The following CCDC178 variants were observed in gnomAD, a reference collection of about 807,000 sequenced individuals.
CCDC178 encodes the protein coiled-coil domain containing 178.
A neutral mutation model predicts 117.4 loss-of-function variants in CCDC178; 126 were observed. That is an observed-to-expected ratio of 1.07 (90% confidence interval 0.93 to 1.24). CCDC178 has a LOEUF of 1.24. Ranked by LOEUF, CCDC178 falls within the 50% of genes most tolerant of loss-of-function variation. The pLI is 0.00. For missense variants in CCDC178, 1,030 were observed against 986.9 expected, an observed-to-expected ratio of 1.04 and a Z score of -0.59; for synonymous variants, 283 against 313.4, an observed-to-expected ratio of 0.90 and a Z score of 1.02.
chr18:33,232,169 C>A (rs933018448), intron 15 of CCDC178, among the ~76,000 whole-genome samples: 1 of 152,158 alleles, frequency 6.6e-6, no homozygotes, highest in East Asian at 1.9e-4. Context: ...GCACATTCAA[C>A]AGTCACCTTT....
intron 2 of CCDC178, among the ~76,000 whole-genome samples, chr18:33,438,366 C>A (rs2064321694): frequency 6.6e-6 from 1 of 152,144 alleles, no homozygotes; most frequent in Non-Finnish European, 1.5e-5. Context: ...AGTCTCTGTC[C>A]AATGCAAGTA....
At chr18:33,360,047 A>C (rs2144725034) in intron 6 of CCDC178, among the ~76,000 whole-genome samples, 1 of 151,474 alleles carries the variant, frequency 6.6e-6, no homozygotes, top group Admixed American at 6.6e-5. Context: ...AATTAACCTT[A>C]TGTTAGAAAT....
intron 2 of CCDC178, among the ~76,000 whole-genome samples, chr18:33,438,326 A>G (rs905669874): frequency 2.0e-5 from 3 of 152,128 alleles, no homozygotes; most frequent in Non-Finnish European, 4.4e-5. Flanking sequence ...CTGAAGCTTT[A>G]TAGCTTCCCC....
At chr18:33,033,653 C>A (rs1249674177) in intron 21 of CCDC178, among the ~76,000 whole-genome samples, 1 of 152,056 alleles carries the variant, frequency 6.6e-6, no homozygotes, top group Non-Finnish European at 1.5e-5. Context: ...TAGCAGTCAA[C>A]CCGACTTTCG....
chr18:33,316,480 G>A (rs969078955), intron 11 of CCDC178, among the ~76,000 whole-genome samples: 3 of 151,902 alleles, frequency 2.0e-5, no homozygotes, highest in Non-Finnish European at 2.9e-5. Flanking sequence ...CCCACACGCC[G>A]TGGGCTCCTG....
intron 11 of CCDC178, among the ~76,000 whole-genome samples, chr18:33,321,098 A>G (rs1488899496): frequency 6.6e-6 from 1 of 152,238 alleles, no homozygotes; most frequent in Non-Finnish European, 1.5e-5. Flanking sequence ...TTCAAGATGG[A>G]CTAATGACTT....
intron 14 of CCDC178, among the ~76,000 whole-genome samples, chr18:33,260,040 GA>G (rs941209164): frequency 1.1e-4 from 16 of 149,612 alleles, no homozygotes; most frequent in African/African-American, 2.9e-4. Context: ...CCCTCATTCA[GA>G]AAAAAAAATA....
rs369666782 is a variant in CCDC178, at chr18:33,233,583, GT to G, written c.1594-6729del. The stretch of plus-strand genomic sequence containing the variant: ...ATATGTAGGTAAGTTGTTAAAGATT[GT>G]TTTTTTTTTATCCTGAACAACAAAG... On this transcript the variant is annotated intron_variant, in intron 15 of 22. Coordinates refer to ENST00000383096, the MANE Select transcript of CCDC178 (RefSeq NM_001105528.4). 1.6e-3 allele frequency among the ~76,000 whole-genome samples: 236 copies of G among 147,536 alleles called. 1 individual carries two copies. The highest frequency in any genetic ancestry group is 5.7e-3 in the African/African-American group (228 of 40,344).
chr18:33,391,932 C>T (rs988505433), intron 4 of CCDC178, among the ~76,000 whole-genome samples: 5 of 151,506 alleles, frequency 3.3e-5, no homozygotes, highest in African/African-American at 9.7e-5. Flanking sequence ...GGCGTGATCT[C>T]GGTTCACTGC....
chr18:33,020,115 G>GTTT (rs749754333), intron 21 of CCDC178, among the ~76,000 whole-genome samples: 1 of 142,160 alleles, frequency 7.0e-6, no homozygotes, highest in African/African-American at 2.7e-5. Flanking sequence ...CCGGATAATT[G>GTTT]GTTTTTTTTT....
chr18:33,023,225 C>A (rs1191093970), intron 21 of CCDC178, among the ~76,000 whole-genome samples: 3 of 152,068 alleles, frequency 2.0e-5, no homozygotes, highest in Admixed American at 2.0e-4. Flanking sequence ...CATCATCAAT[C>A]AACAGGGTTT....
At chr18:32,965,277 T>C (rs998136464) in intron 22 of CCDC178, among the ~76,000 whole-genome samples, 1 of 151,946 alleles carries the variant, frequency 6.6e-6, no homozygotes, top group African/African-American at 2.4e-5. Context: ...TAAATATGGA[T>C]AGTTACAGGT....
At chr18:33,203,572 C>T (rs1019035466) in intron 20 of CCDC178, among the ~76,000 whole-genome samples, 3 of 152,044 alleles carry the variant, frequency 2.0e-5, no homozygotes, top group East Asian at 3.9e-4. Flanking sequence ...GAAATAAAGA[C>T]GTTATTATTT....
At chr18:33,382,240 C>A (rs1011475958) in intron 5 of CCDC178, among the ~76,000 whole-genome samples, 1 of 152,068 alleles carries the variant, frequency 6.6e-6, no homozygotes, top group African/African-American at 2.4e-5. Flanking sequence ...TAAGTATGAA[C>A]CCCAATAGAT....
chr18:33,067,087 T>C (rs1039161207), intron 21 of CCDC178, among the ~76,000 whole-genome samples: 14 of 152,220 alleles, frequency 9.2e-5, no homozygotes, highest in Non-Finnish European at 8.8e-5. Context: ...TTCTTTTTGA[T>C]AGATCATATG....
intron 16 of CCDC178, among the ~76,000 whole-genome samples, chr18:33,225,193 T>G (rs1305593419): frequency 6.6e-6 from 1 of 151,828 alleles, no homozygotes; most frequent in Non-Finnish European, 1.5e-5. Flanking sequence ...GGCAGAGTCT[T>G]GCTCTGTCAC....
intron 21 of CCDC178, among the ~76,000 whole-genome samples, chr18:33,074,792 AAAG>A (rs1403371095): frequency 2.0e-5 from 3 of 152,240 alleles, no homozygotes; most frequent in Non-Finnish European, 4.4e-5. Context: ...ATGGTACTTC[AAAG>A]AAGAGAATGG....
At chr18:33,377,171 T>C (rs1433163655) in intron 5 of CCDC178, among the ~76,000 whole-genome samples, 3 of 152,234 alleles carry the variant, frequency 2.0e-5, no homozygotes, top group African/African-American at 7.2e-5. Flanking sequence ...TATCTCATTG[T>C]GGTTTTCATT....
At chr18:33,294,376 C>A (rs1388585294) in intron 11 of CCDC178, among the ~76,000 whole-genome samples, 2 of 151,896 alleles carry the variant, frequency 1.3e-5, no homozygotes, top group Admixed American at 1.3e-4. Context: ...TATTTGAAAC[C>A]CACATAAGAG....
Sources: allele counts gnomAD v4.1 joint callset (sites outside exome capture counted in the v4.1 genomes callset), GRCh38; gene constraint gnomAD v4.1.1; transcripts MANE v1.5; gene names NCBI Gene and HGNC (gene_info 2026-07-23, HGNC 2026-07-21).